GALNT1: variants seen among roughly 807,000 people sequenced by gnomAD.
The protein encoded by GALNT1 is GalNAc transferase 1.
A neutral mutation model predicts 65.7 loss-of-function variants in GALNT1; 17 were observed. That is an observed-to-expected ratio of 0.26 (90% CI 0.18 to 0.39). The LOEUF is 0.39. GALNT1 is among the 10% of genes least tolerant of loss of function. The pLI, the probability that GALNT1 is intolerant of heterozygous loss-of-function variation, is 1.00. For synonymous variants in GALNT1, 210 were observed against 219.7 expected (o/e 0.96, Z 0.39); for missense variants, 460 against 672.8 (o/e 0.68, Z 3.50).
chr18:35,645,040 CA>C, intron 1 of GALNT1, among the ~76,000 whole-genome samples: 1 of 151,872 alleles, frequency 6.6e-6, no homozygotes, highest in Non-Finnish European at 1.5e-5. Flanking sequence ...ATCCATTCCC[CA>C]AAGCCTCATT....
intron 5 of GALNT1, among the ~76,000 whole-genome samples, chr18:35,684,667 A>G (rs1042840368): frequency 2.4e-4 from 37 of 152,196 alleles, no homozygotes; most frequent in African/African-American, 8.7e-4. Context: ...CAACTGAAAA[A>G]GCTGGATAAA....
chr18:35,626,861 T>C (rs544268964), intron 1 of GALNT1, among the ~76,000 whole-genome samples: 3 of 152,230 alleles, frequency 2.0e-5, no homozygotes, highest in Non-Finnish European at 4.4e-5. Flanking sequence ...GTGTAGTTTC[T>C]CCTTCAACAT....
In GALNT1 at chr18:35,660,607, T is replaced by A. The variant is rs373514332; in HGVS notation, c.140-3021T>A. ...CATTTCAGTTTCTTTCTAATAAAAT[T>A]TTCACAGAACCTACTTTTAATACAC... On this transcript the variant is annotated intron_variant, in intron 2 of 11. Coordinates refer to ENST00000269195, the MANE Select transcript of GALNT1 (RefSeq NM_020474.4). Among the ~76,000 whole-genome samples, 131 of 152,274 alleles carry A rather than the reference T, an allele frequency of 8.6e-4. 3 individuals carry two copies. In the South Asian group the frequency reaches 0.026, roughly 31 times the overall value.
intron 1 of GALNT1, among the ~76,000 whole-genome samples, chr18:35,628,159 A>T (rs913744002): frequency 6.6e-6 from 1 of 152,206 alleles, no homozygotes; most frequent in Non-Finnish European, 1.5e-5. Flanking sequence ...TAGCCGAACA[A>T]AAGGCAGCAG....
intron 3 of GALNT1, 194 bp downstream of exon 3, chr18:35,663,996 T>C: frequency 3.8e-6 from 2 of 521,212 alleles, no homozygotes; most frequent in Non-Finnish European, 6.7e-6. Flanking sequence ...GCACTATGTA[T>C]TTCAGGCATT....
At chr18:35,614,028 T>A (rs2046751668) in intron 1 of GALNT1, among the ~76,000 whole-genome samples, 1 of 152,288 alleles carries the variant, frequency 6.6e-6, no homozygotes, top group Non-Finnish European at 1.5e-5. Context: ...ATTCACAATT[T>A]AAAAAACCAA....
chr18:35,668,978 A>T (rs572239694), intron 3 of GALNT1, among the ~76,000 whole-genome samples: 1 of 152,356 alleles, frequency 6.6e-6, no homozygotes, highest in African/African-American at 2.4e-5. Context: ...GCACTGACTC[A>T]CGCCTGTAAT....
chr18:35,620,954 CA>C (rs1422850923), intron 1 of GALNT1, among the ~76,000 whole-genome samples: 5 of 152,082 alleles, frequency 3.3e-5, no homozygotes, highest in African/African-American at 1.2e-4. Flanking sequence ...GTGGCCGTGC[CA>C]AATTACACTT....
chr18:35,689,275 A>G lies in GALNT1; in HGVS notation c.963A>G (p.Leu321=). ...AGMDIWGGEN[L]EISFRIWQCG... is the part of the protein sequence containing the mutation. ...TGGATATTTGGGGAGGAGAAAACCTAGAAATTTCCTTTAGGGTAAGTTCCC... is the reference window on the plus strand; with the variant it reads ...TGGATATTTGGGGAGGAGAAAACCTGGAAATTTCCTTTAGGGTAAGTTCCC... The change falls in exon 7 of 12, where the codon CTA becomes CTG. Residue 321 remains leucine (L), a synonymous_variant. Transcript: ENST00000269195. The G allele has an allele frequency of 1.2e-6, 2 of 1,600,158 alleles. No individual in the cohort carries two copies.
intron 1 of GALNT1, among the ~76,000 whole-genome samples, chr18:35,592,177 G>C (rs1202672363): frequency 6.6e-6 from 1 of 152,158 alleles, no homozygotes; most frequent in Non-Finnish European, 1.5e-5. Context: ...GCCCGGATGA[G>C]GAAAGTGACT....
At chr18:35,674,509 CTCCTGCA>C (rs1466471597) in intron 3 of GALNT1, among the ~76,000 whole-genome samples, 1 of 152,118 alleles carries the variant, frequency 6.6e-6, no homozygotes, top group African/African-American at 2.4e-5. Flanking sequence ...AAGTTTCTTC[CTCCTGCA>C]TTGTCCCTGC....
chr18:35,690,938 A>G (rs1330316344), intron 7 of GALNT1, 74 bp from the exon 8 acceptor site: 2 of 1,340,596 alleles, frequency 1.5e-6, no homozygotes, highest in Middle Eastern at 1.9e-4. Context: ...AAAGAAAAAT[A>G]CTATGGGAAA....
At chr18:35,654,837 C>T (rs777406585) in intron 2 of GALNT1, 36 bp downstream of exon 2, 1 of 1,430,964 alleles carries the variant, frequency 7.0e-7, no homozygotes. Flanking sequence ...GTTTTAACTA[C>T]TATATCACTG....
At chr18:35,656,692 C>T (rs1339255256) in intron 2 of GALNT1, among the ~76,000 whole-genome samples, 7 of 152,186 alleles carry the variant, frequency 4.6e-5, no homozygotes, top group African/African-American at 7.2e-5. Flanking sequence ...CTGTAGACAG[C>T]GGCATGGCGC....
chr18:35,614,224 A>G (rs2046754475), intron 1 of GALNT1, among the ~76,000 whole-genome samples: 1 of 152,222 alleles, frequency 6.6e-6, no homozygotes, highest in Non-Finnish European at 1.5e-5. Flanking sequence ...AGTTGAATTC[A>G]GCAGTGTATA....
At chr18:35,627,182 T>C (rs1306833004) in intron 1 of GALNT1, among the ~76,000 whole-genome samples, 1 of 152,232 alleles carries the variant, frequency 6.6e-6, no homozygotes, top group Non-Finnish European at 1.5e-5. Flanking sequence ...GATAATTTTG[T>C]ATTTCCACTG....
At chr18:35,630,574 AG>A (rs1300391826) in intron 1 of GALNT1, among the ~76,000 whole-genome samples, 1 of 152,244 alleles carries the variant, frequency 6.6e-6, no homozygotes, top group Non-Finnish European at 1.5e-5. Context: ...GGAAATTTAT[AG>A]CACTAAATGC....
At chr18:35,623,141 T>A (rs1001157937) in intron 1 of GALNT1, among the ~76,000 whole-genome samples, 13 of 152,158 alleles carry the variant, frequency 8.5e-5, no homozygotes, top group Admixed American at 5.2e-4. Context: ...ATATTTACCG[T>A]TTCTGGTGTT....
At chr18:35,674,078 T>C (rs1030347831) in intron 3 of GALNT1, among the ~76,000 whole-genome samples, 9 of 152,120 alleles carry the variant, frequency 5.9e-5, no homozygotes, top group African/African-American at 2.2e-4. Context: ...AGTATAAATA[T>C]GGTATAAAAG....
Sources: gnomAD v4.1 joint callset for allele counts (sites outside exome capture counted in the v4.1 genomes callset) on GRCh38, gnomAD v4.1.1 for gene constraint, MANE v1.5 for transcripts, NCBI Gene and HGNC (gene_info 2026-07-23, HGNC 2026-07-21) for gene names.